TDRP: variants seen among roughly 807,000 people sequenced by gnomAD.
The protein encoded by TDRP is testis development related protein.
Under a neutral mutation model 10.5 loss-of-function variants are expected in TDRP, and 12 were observed. The observed-to-expected ratio is 1.15, with a 90% CI of 0.73 to 1.86. TDRP has a LOEUF of 1.86. TDRP is among the 40% of genes most tolerant of loss of function. The pLI is 0.00. For missense variants in TDRP, 353 were observed against 229.2 expected (o/e 1.54, Z -3.49); for synonymous variants, 139 against 95.4 (o/e 1.46, Z -2.67).
chr8:528,309 G>A (rs1231202252), intron 1 of TDRP, among the ~76,000 whole-genome samples: 6 of 152,154 alleles, frequency 3.9e-5, no homozygotes, highest in Non-Finnish European at 4.4e-5. Context: ...CACTATTGGT[G>A]GGAATGTAAA....
rs564062824 is a variant in TDRP, at chr8:511,318, G to A, written c.109-16721C>T. Among the ~76,000 whole-genome samples, 4 of 151,744 alleles carry A rather than the reference G, an allele frequency of 2.6e-5. No individual in the cohort carries two copies. In the South Asian group the frequency reaches 8.3e-4, roughly 31 times the overall value. On this transcript the variant is annotated intron_variant, in intron 1 of 2. Coordinates refer to ENST00000324079, the MANE Select transcript of TDRP (RefSeq NM_001384899.1). Reference sequence around the variant, plus strand: ...ATATGCAAACAGCAAACACAACAAAGCTAAAGTGACTATGTAAACAAAAGA... The same window carrying A: ...ATATGCAAACAGCAAACACAACAAAACTAAAGTGACTATGTAAACAAAAGA...
chr8:515,443 T>C (rs185297263), intron 1 of TDRP, among the ~76,000 whole-genome samples: 1 of 152,322 alleles, frequency 6.6e-6, no homozygotes, highest in East Asian at 1.9e-4. Flanking sequence ...TTTTGGGATT[T>C]TGAAATATTT....
At chr8:522,376 T>C (rs1280524397) in intron 1 of TDRP, among the ~76,000 whole-genome samples, 1 of 152,166 alleles carries the variant, frequency 6.6e-6, no homozygotes, top group Non-Finnish European at 1.5e-5. Flanking sequence ...GAGAAAGGGC[T>C]GGAGTCCTTT....
chr8:491,537 GAACA>G lies in TDRP; in HGVS notation c.*858_*861del, dbSNP rs1211181588. 8.6e-6 allele frequency: 12 copies of G among 1,394,414 alleles called. No homozygotes were observed. Among genetic ancestry groups the G allele is most frequent in the East Asian group, 2.6e-5 (1 of 38,856 alleles). 86.4% of individuals were successfully genotyped at this position (1,394,414 alleles called of 1,614,324 possible). A position where few individuals can be genotyped will look rare whatever the true frequency, so the allele number is the denominator to read the frequency against. ...TCACAATAGGCATCTCGCTTTGCAA[GAACA>G]AACATATGAGCCTAATAAAAAAGAG... On this transcript the variant is annotated 3_prime_UTR_variant, in exon 3 of 3. Transcript: ENST00000324079.
rs1472321153 is a variant in TDRP, at chr8:502,253, A to G, written c.109-7656T>C. On this transcript the variant is annotated intron_variant, in intron 1 of 2. Transcript: ENST00000324079. ...ACTTATCTTTAAACACACTGAAGCT[A>G]TTGAGAAACTGGCCATTCTGGAAAA... Among the ~76,000 whole-genome samples the G allele has an allele frequency of 3.9e-5, 6 of 152,232 alleles. No homozygotes were observed. The East Asian group carries it at 7.7e-4, about 20-fold the overall frequency.
rs951577116 is a variant in TDRP at position 491,865 on chromosome 8, T to G, written c.*534A>C. Reference sequence around the variant, plus strand: ...TTACTCCCAAATATAAGCTTTGCTTTTCCAGTATTTGTTTACGTATTTGTT... The same window carrying G: ...TTACTCCCAAATATAAGCTTTGCTTGTCCAGTATTTGTTTACGTATTTGTT... On this transcript the variant is annotated 3_prime_UTR_variant, in exon 3 of 3. Coordinates refer to ENST00000324079, the MANE Select transcript of TDRP (RefSeq NM_001384899.1). 39 of 1,198,188 alleles carry G rather than the reference T, an allele frequency of 3.3e-5. No individual in the cohort carries two copies. In the African/African-American group the frequency reaches 6.1e-4, roughly 19 times the overall value. The allele number at this position is 1,198,188 out of a possible 1,614,324, so 74.2% of individuals were successfully genotyped here. A position where few individuals can be genotyped will look rare whatever the true frequency, so the allele number is the denominator to read the frequency against.
chr8:506,767 G>T (rs1444446471), intron 1 of TDRP, among the ~76,000 whole-genome samples: 4 of 152,192 alleles, frequency 2.6e-5, no homozygotes, highest in African/African-American at 9.7e-5. Context: ...ACATAAAGCA[G>T]ACAGCTATGG....
intron 1 of TDRP, among the ~76,000 whole-genome samples, chr8:543,477 ACT>A (rs1802554344): frequency 1.3e-5 from 2 of 152,046 alleles, no homozygotes; most frequent in Non-Finnish European, 2.9e-5. Context: ...TCTGCAGTTA[ACT>A]CTGTAGCCAC....
intron 1 of TDRP, among the ~76,000 whole-genome samples, chr8:500,766 G>A (rs547923890): frequency 6.6e-4 from 100 of 152,296 alleles, no homozygotes; most frequent in Non-Finnish European, 1.1e-3. Flanking sequence ...GCTGCTCCCT[G>A]CAACTCTGGG....
In TDRP at chr8:544,650, C is replaced by T. The variant is rs1302053473; in HGVS notation, c.108G>A (p.Gln36=). 8.1e-7 allele frequency: 1 copy of T among 1,227,102 alleles called. No homozygotes were observed. The highest frequency in any genetic ancestry group is 1.6e-5 in the African/African-American group (1 of 63,662). 76.0% of individuals were successfully genotyped at this position (1,227,102 alleles called of 1,614,324 possible). A position where few individuals can be genotyped will look rare whatever the true frequency, so the allele number is the denominator to read the frequency against. ...PPAAAAAAQA[Q]VQGASFRGWK... ...ACTCCCCACCTGCGCACCCCCTCACCTGCGCCTGGGCGGCGGCGGCGGCGG... is the reference window on the plus strand; with the variant it reads ...ACTCCCCACCTGCGCACCCCCTCACTTGCGCCTGGGCGGCGGCGGCGGCGG... Residue 36 remains glutamine (Q), a splice_region_variant and synonymous_variant, in exon 1 of 3, where the codon CAG becomes CAA. Transcript: ENST00000324079.
At chr8:518,511 A>C (rs1801814357) in intron 1 of TDRP, among the ~76,000 whole-genome samples, 1 of 152,256 alleles carries the variant, frequency 6.6e-6, no homozygotes, top group African/African-American at 2.4e-5. Flanking sequence ...CCATGTATAT[A>C]GAGATTTTAG....
chr8:534,069 A>T (rs533869740), intron 1 of TDRP, among the ~76,000 whole-genome samples: 2 of 152,340 alleles, frequency 1.3e-5, no homozygotes, highest in Non-Finnish European at 2.9e-5. Context: ...AAATGAAGAA[A>T]AATGGTATCA....
intron 1 of TDRP, among the ~76,000 whole-genome samples, chr8:539,901 T>G (rs1192302686): frequency 1.3e-5 from 2 of 152,242 alleles, no homozygotes; most frequent in African/African-American, 2.4e-5. Flanking sequence ...TTAAAACACC[T>G]GAAACACTCC....
At chr8:496,556 G>T (rs1252101394) in intron 1 of TDRP, among the ~76,000 whole-genome samples, 1 of 152,212 alleles carries the variant, frequency 6.6e-6, no homozygotes, top group African/African-American at 2.4e-5. Flanking sequence ...TCACTGCCAA[G>T]TTGTTATGTT....
At position 492,373 on chromosome 8, in the gene TDRP, G is replaced by A. The variant is rs747392452; in HGVS notation, c.*26C>T. 21 of 1,475,122 alleles carry A rather than the reference G, an allele frequency of 1.4e-5. No homozygotes were observed. The highest frequency in any genetic ancestry group is 4.4e-5 in the South Asian group (3 of 68,202). The allele number at this position is 1,475,122 out of a possible 1,614,324, so 91.4% of individuals were successfully genotyped here. A position where few individuals can be genotyped will look rare whatever the true frequency, so the allele number is the denominator to read the frequency against. Reference sequence around the variant, plus strand: ...TATACTCATAAAAGGCCACCATGTCGGGGCACACTTGCCACGCAGCCCCCC... The same window carrying A: ...TATACTCATAAAAGGCCACCATGTCAGGGCACACTTGCCACGCAGCCCCCC... On this transcript the variant is annotated 3_prime_UTR_variant, in exon 3 of 3. Coordinates refer to ENST00000324079, the MANE Select transcript of TDRP (RefSeq NM_001384899.1).
At chr8:543,278 A>G (rs1802548835) in intron 1 of TDRP, among the ~76,000 whole-genome samples, 1 of 152,182 alleles carries the variant, frequency 6.6e-6, no homozygotes. Flanking sequence ...GCGCCACTGC[A>G]CTCCAGCCTA....
At chr8:494,310 A>T (rs977649080) in intron 2 of TDRP, among the ~76,000 whole-genome samples, 184 bp downstream of exon 2, 4 of 152,076 alleles carry the variant, frequency 2.6e-5, no homozygotes, top group Non-Finnish European at 4.4e-5. Context: ...AGCACACATC[A>T]TGAAGTCCAT....
rs746612333 is a variant in TDRP, at chr8:504,830, C to T, written c.109-10233G>A. Among the ~76,000 whole-genome samples the T allele has an allele frequency of 5.1e-4, 77 of 152,202 alleles. 1 individual carries two copies. The highest frequency in any genetic ancestry group is 9.3e-4 in the Non-Finnish European group (63 of 68,034). ...TGAACTTGTGCTCTCTGCTCATTCA[C>T]ATTTCGGAACCCAGACTTATAAATT... On this transcript the variant is annotated intron_variant, in intron 1 of 2. Transcript: ENST00000324079.
chr8:524,048 G>A (rs1179115955), intron 1 of TDRP, among the ~76,000 whole-genome samples: 5 of 152,172 alleles, frequency 3.3e-5, no homozygotes, highest in African/African-American at 9.6e-5. Flanking sequence ...CCAGGGCAGT[G>A]GCCACAAGAG....
Sources: allele counts gnomAD v4.1 joint callset (sites outside exome capture counted in the v4.1 genomes callset), GRCh38; gene constraint gnomAD v4.1.1; transcripts MANE v1.5; gene names NCBI Gene and HGNC (gene_info 2026-07-23, HGNC 2026-07-21).